The following STXBP6 variants were observed in gnomAD, a reference collection of about 807,000 sequenced individuals.
STXBP6 encodes the protein syntaxin binding protein 6.
A neutral mutation model predicts 26.9 loss-of-function variants in STXBP6; 21 were observed. The ratio of observed to expected loss-of-function variants is 0.78; its 90% confidence interval spans 0.55 to 1.12. STXBP6 has a LOEUF of 1.12. Ranked by LOEUF, STXBP6 falls within the 50% of genes most tolerant of loss-of-function variation. STXBP6 has a pLI of 0.00. For missense variants in STXBP6, 232 were observed against 257.9 expected (o/e 0.90, Z 0.69); for synonymous variants, 97 against 92.6 (o/e 1.05, Z -0.27).
intron 1 of STXBP6, among the ~76,000 whole-genome samples, chr14:25,047,581 A>T (rs1388421166): frequency 1.3e-5 from 2 of 152,198 alleles, no homozygotes; most frequent in Admixed American, 6.5e-5. Context: ...TTGGGCCTTC[A>T]CCCTAGACCT....
intron 1 of STXBP6, among the ~76,000 whole-genome samples, chr14:25,039,729 C>T (rs915787965): frequency 3.4e-5 from 5 of 148,554 alleles, no homozygotes; most frequent in South Asian, 2.1e-4. Flanking sequence ...TTTTTTGAGA[C>T]GGAGTCTCGC....
intron 1 of STXBP6, among the ~76,000 whole-genome samples, chr14:24,975,960 G>T (rs1457195192): frequency 6.6e-6 from 1 of 152,166 alleles, no homozygotes; most frequent in Non-Finnish European, 1.5e-5. Context: ...AGGGCCCATG[G>T]GTTGGACATG....
At chr14:24,890,250 A>G (rs1023557570) in intron 2 of STXBP6, among the ~76,000 whole-genome samples, 3 of 152,230 alleles carry the variant, frequency 2.0e-5, no homozygotes, top group Admixed American at 2.0e-4. Context: ...TCAAATCTAA[A>G]TCACATTCAG....
intron 4 of STXBP6, among the ~76,000 whole-genome samples, chr14:24,826,131 A>T (rs1459304711): frequency 1.3e-5 from 2 of 152,158 alleles, no homozygotes; most frequent in African/African-American, 2.4e-5. Flanking sequence ...CACTCTAATA[A>T]CTGTTAATTT....
intron 1 of STXBP6, among the ~76,000 whole-genome samples, chr14:25,013,318 CAG>C (rs1296995845): frequency 6.6e-6 from 1 of 152,110 alleles, no homozygotes; most frequent in Non-Finnish European, 1.5e-5. Flanking sequence ...GATAGCCAAA[CAG>C]ATGATTGGAT....
intron 2 of STXBP6, among the ~76,000 whole-genome samples, chr14:24,974,388 G>A (rs1361279867): frequency 3.3e-5 from 5 of 152,196 alleles, no homozygotes; most frequent in African/African-American, 1.2e-4. Flanking sequence ...GTGTCCCCGT[G>A]AGGGCAAGTA....
chr14:25,037,108 A>G (rs947002689), intron 1 of STXBP6, among the ~76,000 whole-genome samples: 6 of 152,162 alleles, frequency 3.9e-5, no homozygotes, highest in African/African-American at 1.4e-4. Flanking sequence ...AGGACCCTGA[A>G]AGGCCCTGAA....
At chr14:25,033,811 C>T (rs755617766) in intron 1 of STXBP6, among the ~76,000 whole-genome samples, 3 of 152,158 alleles carry the variant, frequency 2.0e-5, no homozygotes, top group African/African-American at 7.2e-5. Flanking sequence ...AAGCAGAAAC[C>T]TTGTCTGATT....
chr14:24,929,026 G>A (rs1323307208), intron 2 of STXBP6, among the ~76,000 whole-genome samples: 1 of 151,874 alleles, frequency 6.6e-6, no homozygotes, highest in Non-Finnish European at 1.5e-5. Flanking sequence ...TTCAGCAGAA[G>A]AACTAAGGGT....
At chr14:24,850,362 G>A (rs1038786368) in intron 4 of STXBP6, among the ~76,000 whole-genome samples, 6 of 152,066 alleles carry the variant, frequency 3.9e-5, no homozygotes, top group African/African-American at 1.4e-4. Context: ...AATTCTAATA[G>A]AGCTCTGAAG....
At chr14:24,845,290 GCA>G (rs2068924396) in intron 4 of STXBP6, among the ~76,000 whole-genome samples, 1 of 152,098 alleles carries the variant, frequency 6.6e-6, no homozygotes, top group East Asian at 1.9e-4. Flanking sequence ...GGGATTACAG[GCA>G]TGAGCCACCG....
Position 24,999,930 on chromosome 14 carries a change from A to AATATG in STXBP6, c.-32-25081_-32-25080insCATAT, listed in dbSNP as rs2074711631. On this transcript the variant is annotated intron_variant, in intron 1 of 5. Transcript: ENST00000323944. ...CTGTAAGGACAACACTGATTTAGCT[A>AATATG]TTTGGACAAAGATGCTAATATGTTA... is the stretch of plus-strand genomic sequence containing the variant. Among the ~76,000 whole-genome samples the AATATG allele has an allele frequency of 3.9e-5, 6 of 152,360 alleles. No individual in the cohort carries two copies. In the South Asian group the frequency reaches 1.2e-3, roughly 32 times the overall value.
intron 2 of STXBP6, among the ~76,000 whole-genome samples, chr14:24,907,021 G>C (rs1210145192): frequency 1.3e-5 from 2 of 152,082 alleles, no homozygotes; most frequent in African/African-American, 4.8e-5. Context: ...GAAGTGTAGG[G>C]GGAAAAGGGG....
intron 4 of STXBP6, among the ~76,000 whole-genome samples, chr14:24,831,690 AC>A (rs748916749): frequency 2.0e-5 from 3 of 152,208 alleles, no homozygotes; most frequent in Non-Finnish European, 4.4e-5. Flanking sequence ...TATGTATGCA[AC>A]ATTTAGGATG....
intron 2 of STXBP6, among the ~76,000 whole-genome samples, chr14:24,876,322 AAACTT>A (rs779704844): frequency 6.6e-6 from 1 of 152,222 alleles, no homozygotes; most frequent in Non-Finnish European, 1.5e-5. Flanking sequence ...CTCTATGCTC[AAACTT>A]AATGTTTAGG....
At chr14:24,922,533 T>C (rs2072018642) in intron 2 of STXBP6, among the ~76,000 whole-genome samples, 1 of 152,162 alleles carries the variant, frequency 6.6e-6, no homozygotes, top group Non-Finnish European at 1.5e-5. Flanking sequence ...TTACTAAATC[T>C]TAGTGGCTGA....
intron 1 of STXBP6, among the ~76,000 whole-genome samples, chr14:24,988,590 C>G (rs1484828305): frequency 6.6e-6 from 1 of 152,168 alleles, no homozygotes; most frequent in East Asian, 1.9e-4. Flanking sequence ...CAAGAAAAAG[C>G]CATGCAACAT....
intron 1 of STXBP6, among the ~76,000 whole-genome samples, chr14:25,035,866 C>T (rs1397418296): frequency 1.3e-5 from 2 of 152,168 alleles, no homozygotes; most frequent in African/African-American, 4.8e-5. Flanking sequence ...AGAAAGCATT[C>T]TTCTATGTAG....
chr14:24,874,070 C>G (rs191488517), intron 2 of STXBP6, among the ~76,000 whole-genome samples: 45 of 152,246 alleles, frequency 3.0e-4, no homozygotes, highest in Admixed American at 1.6e-3. Flanking sequence ...CTGAGCACTC[C>G]AAACGGGAAC....
Sources: gnomAD v4.1 joint callset for allele counts (sites outside exome capture counted in the v4.1 genomes callset) on GRCh38, gnomAD v4.1.1 for gene constraint, MANE v1.5 for transcripts, NCBI Gene and HGNC (gene_info 2026-07-23, HGNC 2026-07-21) for gene names.